The following FABP7 variants were observed in gnomAD, a reference collection of about 807,000 sequenced individuals.
FABP7 encodes the protein fatty acid binding protein 7.
A neutral mutation model predicts 14.2 loss-of-function variants in FABP7; 13 were observed. The observed-to-expected ratio is 0.91, with a 90% confidence interval of 0.59 to 1.45. FABP7 has a LOEUF of 1.45. Among genes scored for constraint, FABP7 ranks in the 40% most tolerant of loss-of-function variants. The pLI is 0.00. For missense variants in FABP7, 149 were observed against 157.6 expected, an observed-to-expected ratio of 0.95 and a Z score of 0.29; for synonymous variants, 49 against 51.4, an observed-to-expected ratio of 0.95 and a Z score of 0.20.
At chr6:122,755,306 T>C in the FABP7 span, among the ~76,000 whole-genome samples, 2 of 152,066 alleles carry the variant, frequency 1.3e-5, no homozygotes, top group South Asian at 2.1e-4. Flanking sequence ...CATGTACTTC[T>C]TTTTATTATT....
intron 3 of FABP7, chr6:122,781,502 G>A: frequency 1.5e-6 from 2 of 1,347,082 alleles, no homozygotes; most frequent in Admixed American, 3.2e-5. Flanking sequence ...GGATAACTAT[G>A]GATGTCTCTC....
chr6:122,780,835 C>T (rs922448768), intron 2 of FABP7, among the ~76,000 whole-genome samples: 5 of 152,078 alleles, frequency 3.3e-5, no homozygotes, highest in East Asian at 1.9e-4. Flanking sequence ...TTTAGAGGGA[C>T]GACTAGCTGC....
chr6:122,750,034 G>A, the FABP7 span, among the ~76,000 whole-genome samples: 1 of 152,020 alleles, frequency 6.6e-6, no homozygotes, highest in African/African-American at 2.4e-5. Context: ...AATTGAACAC[G>A]GGAATTATGA....
At chr6:122,753,783 C>CT in the FABP7 span, among the ~76,000 whole-genome samples, 1 of 76,844 alleles carries the variant, frequency 1.3e-5, no homozygotes, top group African/African-American at 5.1e-5. Flanking sequence ...GTCCAAATCC[C>CT]GCCCCCCCCC....
intron 3 of FABP7, chr6:122,782,972 G>A (rs1205656334): frequency 2.0e-5 from 20 of 985,198 alleles, no homozygotes; most frequent in East Asian, 1.1e-4. Flanking sequence ...TAGCTCAACC[G>A]TGGCATGCAT....
intron 3 of FABP7, chr6:122,783,083 T>G: frequency 1.0e-6 from 1 of 985,406 alleles, no homozygotes; most frequent in African/African-American, 1.7e-5. Context: ...ATGAAAACCA[T>G]GAGCACCAAA....
the FABP7 span, among the ~76,000 whole-genome samples, chr6:122,762,404 G>A: frequency 6.6e-6 from 1 of 152,104 alleles, no homozygotes; most frequent in Admixed American, 6.5e-5. Context: ...AATAATAAGA[G>A]CTATTTATGA....
the FABP7 span, among the ~76,000 whole-genome samples, chr6:122,773,869 T>C: frequency 6.6e-6 from 1 of 152,094 alleles, no homozygotes; most frequent in Non-Finnish European, 1.5e-5. Context: ...CTTTCTTTCT[T>C]TTATTTCACT....
Position 122,783,950 on chromosome 6 carries a change from A to G in FABP7, c.*183A>G, listed in dbSNP as rs913479933. 2.5e-5 allele frequency: 11 copies of G among 437,864 alleles called. No homozygotes were observed. Among genetic ancestry groups the G allele is most frequent in the African/African-American group, 2.1e-4 (10 of 48,042 alleles). The allele number at this position is 437,864 out of a possible 1,614,324, so 27.1% of individuals were successfully genotyped here. On this transcript the variant is annotated 3_prime_UTR_variant, in exon 4 of 4. Coordinates refer to ENST00000368444, the MANE Select transcript of FABP7 (RefSeq NM_001446.5). Reference sequence around the variant, plus strand: ...TTGCCCAATTTTAATCTGAAAATTTATCATGTTTTATAATTTGAATTAAAG... The same window carrying G: ...TTGCCCAATTTTAATCTGAAAATTTGTCATGTTTTATAATTTGAATTAAAG...
chr6:122,770,674 A>G, the FABP7 span, among the ~76,000 whole-genome samples: 1 of 152,166 alleles, frequency 6.6e-6, no homozygotes, highest in Non-Finnish European at 1.5e-5. Flanking sequence ...ATCTTGATAA[A>G]CTTGAAATCT....
chr6:122,760,857 A>G, the FABP7 span, among the ~76,000 whole-genome samples: 1 of 152,178 alleles, frequency 6.6e-6, no homozygotes, highest in Non-Finnish European at 1.5e-5. Flanking sequence ...AAATGAATAT[A>G]TAATAGTGAT....
At position 122,783,739 on chromosome 6, in the gene FABP7, T is replaced by C; in HGVS notation, c.371T>C (p.Val124Ala). 6.2e-7 allele frequency: 1 copy of C among 1,607,632 alleles called. No individual in the cohort carries two copies. ...MVMTLTFGDV[V>A]AVRHYEKA ...CAGACCCTTACTTTTGGTGATGTGG[T>C]TGCTGTTCGCCACTATGAGAAGGCA... The change falls in exon 4 of 4, where the codon GTT (valine) becomes GCT (alanine). Residue 124 changes from valine to alanine, a missense_variant. Val to Ala is a moderately conservative substitution (Grantham distance 64). Coordinates refer to ENST00000368444, the MANE Select transcript of FABP7 (RefSeq NM_001446.5).
the FABP7 span, among the ~76,000 whole-genome samples, chr6:122,750,978 T>G: frequency 6.6e-6 from 1 of 152,236 alleles, no homozygotes; most frequent in African/African-American, 2.4e-5. Flanking sequence ...TTAGCTGGTT[T>G]ATATATCACC....
chr6:122,763,969 G>A, the FABP7 span, among the ~76,000 whole-genome samples: 3 of 152,188 alleles, frequency 2.0e-5, no homozygotes. Flanking sequence ...CAACCATTGT[G>A]GAAGACAGGA....
chr6:122,779,483 G>T (rs182583251), upstream of FABP7: 498 of 322,200 alleles, frequency 1.5e-3, 2 homozygotes, highest in African/African-American at 5.9e-3. Flanking sequence ...GCTTTCTCAG[G>T]CATAAGGGCT....
chr6:122,769,124 C>T, the FABP7 span, among the ~76,000 whole-genome samples: 4 of 152,036 alleles, frequency 2.6e-5, no homozygotes, highest in Non-Finnish European at 5.9e-5. Flanking sequence ...GCAAACCATA[C>T]CCTGACATTC....
chr6:122,781,925 G>A lies in FABP7; in HGVS notation c.348+731G>A, dbSNP rs575004413. ...GCCGGGCTAATTTTTTTGTATTTTT[G>A]TAGAGATGGGATTTCGCCATGTTGC... On this transcript the variant is annotated intron_variant, in intron 3 of 3. Transcript: ENST00000368444. 4.1e-4 allele frequency: 188 copies of A among 462,194 alleles called. No homozygotes were observed. The South Asian group carries it at 0.016, about 39-fold the overall frequency. 28.6% of individuals were successfully genotyped at this position (462,194 alleles called of 1,614,324 possible). A position where few individuals can be genotyped will look rare whatever the true frequency, so the allele number is the denominator to read the frequency against.
At chr6:122,774,635 T>C in the FABP7 span, among the ~76,000 whole-genome samples, 10 of 151,900 alleles carry the variant, frequency 6.6e-5, no homozygotes, top group South Asian at 1.5e-3. Context: ...TTATTCAACA[T>C]GGTATTGGAA....
chr6:122,760,100 C>T, the FABP7 span, among the ~76,000 whole-genome samples: 1 of 141,886 alleles, frequency 7.0e-6, no homozygotes, highest in Non-Finnish European at 1.5e-5. Flanking sequence ...GACTCTGATT[C>T]AAAAAAAAAA....
Sources: allele counts gnomAD v4.1 joint callset (sites outside exome capture counted in the v4.1 genomes callset), GRCh38; gene constraint gnomAD v4.1.1; transcripts MANE v1.5; gene names NCBI Gene and HGNC (gene_info 2026-07-23, HGNC 2026-07-21).